MED27: variants seen among roughly 807,000 people sequenced by gnomAD.
MED27 encodes the protein mediator of RNA polymerase II transcription subunit 27.
A neutral mutation model predicts 38.2 loss-of-function variants in MED27; 30 were observed. That is an observed-to-expected ratio of 0.79 (90% CI 0.59 to 1.07). The LOEUF (loss-of-function observed/expected upper bound fraction) is 1.07, where lower values mean the gene tolerates loss of function less well. Among genes scored for constraint, MED27 ranks in the 50% least tolerant of loss-of-function variants. MED27 has a pLI of 0.00. For synonymous variants in MED27, 122 were observed against 153.5 expected, an observed-to-expected ratio of 0.79 and a Z score of 1.52; for missense variants, 289 against 397.5, an observed-to-expected ratio of 0.73 and a Z score of 2.32.
intron 2 of MED27, among the ~76,000 whole-genome samples, chr9:132,061,229 T>TA (rs1589296454): frequency 2.6e-5 from 4 of 152,158 alleles, no homozygotes; most frequent in African/African-American, 4.8e-5. Context: ...AAGTCAGAGC[T>TA]AAAAGGGCCA....
At chr9:132,015,846 TA>T (rs1832590894) in intron 2 of MED27, among the ~76,000 whole-genome samples, 1 of 152,144 alleles carries the variant, frequency 6.6e-6, no homozygotes, top group South Asian at 2.1e-4. Flanking sequence ...CAGATGTAAA[TA>T]AAAGATTCAC....
chr9:131,928,522 C>CT (rs1830522841), intron 4 of MED27, among the ~76,000 whole-genome samples: 1 of 152,216 alleles, frequency 6.6e-6, no homozygotes, highest in Non-Finnish European at 1.5e-5. Context: ...CCAGCAGCTG[C>CT]TAAATGGCCT....
intron 2 of MED27, among the ~76,000 whole-genome samples, chr9:132,061,736 C>T (rs79628445): frequency 0.027 from 4,065 of 152,248 alleles, 187 homozygotes; most frequent in African/African-American, 0.092. Flanking sequence ...CCCCATTCAT[C>T]GCAGCTGCTC....
chr9:132,048,593 C>T (rs949615265), intron 2 of MED27, among the ~76,000 whole-genome samples: 5 of 152,196 alleles, frequency 3.3e-5, no homozygotes, highest in Non-Finnish European at 5.9e-5. Flanking sequence ...CCCAAACTGT[C>T]AAGAAGGCCC....
chr9:131,959,864 G>C (rs1831178508), intron 3 of MED27, among the ~76,000 whole-genome samples: 1 of 152,106 alleles, frequency 6.6e-6, no homozygotes, highest in African/African-American at 2.4e-5. Flanking sequence ...CGTGTTCTTT[G>C]CCACTATCTA....
intron 2 of MED27, among the ~76,000 whole-genome samples, chr9:132,071,684 G>T (rs1287955877): frequency 6.6e-6 from 1 of 150,468 alleles, no homozygotes; most frequent in East Asian, 2.0e-4. Context: ...ATGAGCACAC[G>T]TGTATACGAG....
At chr9:131,916,624 G>T (rs967867225) in intron 4 of MED27, among the ~76,000 whole-genome samples, 1 of 152,146 alleles carries the variant, frequency 6.6e-6, no homozygotes, top group African/African-American at 2.4e-5. Context: ...TAGAAATTAT[G>T]AAGTCCCAAG....
chr9:131,951,585 C>G (rs915190487), intron 3 of MED27, among the ~76,000 whole-genome samples: 1 of 152,224 alleles, frequency 6.6e-6, no homozygotes, highest in Non-Finnish European at 1.5e-5. Flanking sequence ...ACTTTAACCT[C>G]TCTAAGCTTT....
intron 4 of MED27, among the ~76,000 whole-genome samples, chr9:131,900,286 T>G (rs1327308115): frequency 1.3e-5 from 2 of 152,250 alleles, no homozygotes; most frequent in Non-Finnish European, 2.9e-5. Flanking sequence ...AGTGGTCTTC[T>G]CTATCTGCTT....
intron 3 of MED27, among the ~76,000 whole-genome samples, chr9:131,973,786 T>C (rs903674882): frequency 1.3e-5 from 2 of 152,038 alleles, no homozygotes; most frequent in African/African-American, 4.8e-5. Context: ...TGGCTCACTG[T>C]AAGCTCCACC....
rs1423242808 is a variant in MED27 at position 131,995,472 on chromosome 9, G to C, written c.479+18865C>G. Among the ~76,000 whole-genome samples, 4 of 152,132 alleles carry C rather than the reference G, an allele frequency of 2.6e-5. No individual in the cohort carries two copies. The East Asian group carries it at 7.7e-4, about 29-fold the overall frequency. On this transcript the variant is annotated intron_variant, in intron 3 of 7. Transcript: ENST00000292035. ...CCAAAATGGCACTATTCCTCAAGGA[G>C]CACAACCATCAACGTGGTGCAAGTT...
chr9:132,046,754 GA>G lies in MED27; in HGVS notation c.348+30687del, dbSNP rs1392409388. ...CCAGTTAAAGGAACAGTAGTCCCAAGAGAGTGAAGGAATCTGTCCCCCGCAC... is the reference window on the plus strand; with the variant it reads ...CCAGTTAAAGGAACAGTAGTCCCAAGGAGTGAAGGAATCTGTCCCCCGCAC... On this transcript the variant is annotated intron_variant, in intron 2 of 7. Transcript: ENST00000292035. Among the ~76,000 whole-genome samples the G allele has an allele frequency of 2.6e-5, 4 of 152,284 alleles. No individual in the cohort carries two copies. In the East Asian group the frequency reaches 7.7e-4, roughly 29 times the overall value.
At chr9:131,902,534 C>T (rs1005805492) in intron 4 of MED27, among the ~76,000 whole-genome samples, 6 of 152,098 alleles carry the variant, frequency 3.9e-5, no homozygotes, top group East Asian at 3.9e-4. Context: ...AAAAAGAAAA[C>T]GGAGCGATGT....
rs186256862 is a variant in MED27, at chr9:131,890,691, C to T, written c.681+3194G>A. 1.1e-3 allele frequency among the ~76,000 whole-genome samples: 165 copies of T among 152,312 alleles called. 1 individual carries two copies. The highest frequency in any genetic ancestry group is 3.8e-3 in the African/African-American group (158 of 41,560). On this transcript the variant is annotated intron_variant, in intron 5 of 7. Coordinates refer to ENST00000292035, the MANE Select transcript of MED27 (RefSeq NM_004269.4). ...CACAGAAGTGCACCCTACAGACAGACAGTCACACGATGGAGCCTGTGCCCT... is the reference window on the plus strand; with the variant it reads ...CACAGAAGTGCACCCTACAGACAGATAGTCACACGATGGAGCCTGTGCCCT...
chr9:131,987,007 T>A (rs1346527164), intron 3 of MED27, among the ~76,000 whole-genome samples: 15 of 136,446 alleles, frequency 1.1e-4, no homozygotes, highest in African/African-American at 4.1e-4. Flanking sequence ...GGATTTTTTT[T>A]TTTTTTTTTT....
chr9:132,055,093 C>T (rs929149280), intron 2 of MED27, among the ~76,000 whole-genome samples: 3 of 152,204 alleles, frequency 2.0e-5, no homozygotes, highest in East Asian at 1.9e-4. Flanking sequence ...GCCCTGGAAG[C>T]GCTGTGAAGG....
intron 4 of MED27, among the ~76,000 whole-genome samples, chr9:131,905,203 C>T (rs75877926): frequency 2.0e-3 from 305 of 152,292 alleles, no homozygotes; most frequent in Non-Finnish European, 3.4e-3. Context: ...ATAGGGCCTC[C>T]AATCCAAAAA....
chr9:131,934,735 A>T (rs1830650436), intron 4 of MED27, among the ~76,000 whole-genome samples: 1 of 152,236 alleles, frequency 6.6e-6, no homozygotes, highest in South Asian at 2.1e-4. Flanking sequence ...AAAGGAAACC[A>T]GTATATCAAA....
chr9:131,868,497 C>T (rs1047370545), intron 6 of MED27: 2 of 877,194 alleles, frequency 2.3e-6, no homozygotes, highest in Non-Finnish European at 2.7e-6. Flanking sequence ...GGCTGGTTTC[C>T]AACTCCTGGC....
Sources: gnomAD v4.1 joint callset for allele counts (sites outside exome capture counted in the v4.1 genomes callset) on GRCh38, gnomAD v4.1.1 for gene constraint, MANE v1.5 for transcripts, NCBI Gene and HGNC (gene_info 2026-07-23, HGNC 2026-07-21) for gene names.